ARID5B: variants seen among roughly 807,000 people sequenced by gnomAD.
The protein encoded by ARID5B is AT-rich interaction domain 5B.
A neutral mutation model predicts 97.2 loss-of-function variants in ARID5B; 13 were observed. That is an observed-to-expected ratio of 0.13 (90% CI 0.09 to 0.21). ARID5B has a LOEUF of 0.21. ARID5B is among the 10% of genes least tolerant of loss of function. ARID5B has a pLI of 1.00. For synonymous variants in ARID5B, 556 were observed against 570.3 expected (o/e 0.97, Z 0.36); for missense variants, 1,210 against 1,465.3 (o/e 0.83, Z 2.84).
intron 4 of ARID5B, among the ~76,000 whole-genome samples, chr10:62,043,858 TTTAC>T (rs1237149671): frequency 2.6e-5 from 4 of 152,062 alleles, no homozygotes; most frequent in African/African-American, 9.7e-5. Context: ...TACAAAAGTG[TTTAC>T]TTACATGGTT....
Position 62,000,264 on chromosome 10 carries a change from C to A in ARID5B, c.676C>A (p.Arg226=). 1 of 1,613,420 alleles carries A rather than the reference C, an allele frequency of 6.2e-7. No homozygotes were observed. The highest frequency in any genetic ancestry group is 8.5e-7 in the Non-Finnish European group (1 of 1,179,832). ...VSRNPQILYC[R]DTFDHPTLIE... is the part of the protein sequence containing the mutation. ...CAGGAACCCTCAGATCCTGTACTGT[C>A]GGGACACCTTTGACCACCCGACTCT... Residue 226 remains arginine (R), a synonymous_variant, in exon 4 of 10, where the codon CGG becomes AGG. Transcript: ENST00000279873. The surrounding 1 kb of genome is among the most constrained non-coding windows in gnomAD (Gnocchi z 4.4).
intron 3 of ARID5B, among the ~76,000 whole-genome samples, chr10:61,941,434 T>A (rs1464547079): frequency 6.6e-6 from 1 of 152,096 alleles, no homozygotes; most frequent in Non-Finnish European, 1.5e-5. Context: ...CACTTTAACA[T>A]ATTAAGGCAT....
At chr10:61,921,394 G>A (rs1352662233) in intron 2 of ARID5B, among the ~76,000 whole-genome samples, 3 of 152,344 alleles carry the variant, frequency 2.0e-5, no homozygotes, top group Admixed American at 6.5e-5. Flanking sequence ...TCACTTGCCT[G>A]TTGACAGGTC....
chr10:62,052,835 A>G (rs1403213197), intron 5 of ARID5B, among the ~76,000 whole-genome samples: 1 of 152,102 alleles, frequency 6.6e-6, no homozygotes, highest in Non-Finnish European at 1.5e-5. Context: ...TCATTCTTCC[A>G]CCGTTGGTGT....
intron 3 of ARID5B, among the ~76,000 whole-genome samples, chr10:61,982,963 G>C (rs981146226): frequency 3.3e-5 from 5 of 152,206 alleles, no homozygotes; most frequent in South Asian, 4.1e-4. Context: ...TAAATAACCA[G>C]ATTGATTTGC....
intron 3 of ARID5B, among the ~76,000 whole-genome samples, chr10:61,978,492 G>T (rs571393709): frequency 3.9e-5 from 6 of 152,332 alleles, no homozygotes; most frequent in Non-Finnish European, 5.9e-5. Context: ...CTACCCATGA[G>T]CATGGAATGT....
chr10:62,050,366 C>G (rs1459272874), intron 4 of ARID5B, among the ~76,000 whole-genome samples: 1 of 152,060 alleles, frequency 6.6e-6, no homozygotes, highest in Non-Finnish European at 1.5e-5. Context: ...TGTGAATGCC[C>G]CTCTCTCTAT....
At chr10:62,059,172 T>A (rs1839892507) in intron 6 of ARID5B, 71 bp from the exon 7 acceptor site, 2 of 1,207,372 alleles carry the variant, frequency 1.7e-6, no homozygotes, top group Middle Eastern at 2.5e-4. Context: ...AAAAAAAAAA[T>A]GTTTTAATTG....
chr10:61,949,313 TG>T lies in ARID5B; in HGVS notation c.502+8906del, dbSNP rs753031976. The stretch of plus-strand genomic sequence containing the variant: ...GTTTTGTCTATTTTTTCTAGCAGTT[TG>T]TTTTTTTACAGCCATATCTATGATA... On this transcript the variant is annotated intron_variant, in intron 3 of 9. Coordinates refer to ENST00000279873, the MANE Select transcript of ARID5B (RefSeq NM_032199.3). 1.3e-4 allele frequency among the ~76,000 whole-genome samples: 20 copies of T among 152,214 alleles called. 1 individual carries two copies. The highest frequency in any genetic ancestry group is 3.3e-4 in the Admixed American group (5 of 15,268).
intron 8 of ARID5B, among the ~76,000 whole-genome samples, chr10:62,077,296 CA>C (rs1400727051): frequency 6.6e-6 from 1 of 152,042 alleles, no homozygotes; most frequent in Non-Finnish European, 1.5e-5. Flanking sequence ...GAAAGGAAAA[CA>C]AAACTCTAGC....
chr10:62,027,204 C>T (rs533367929), intron 4 of ARID5B, among the ~76,000 whole-genome samples: 1 of 151,530 alleles, frequency 6.6e-6, no homozygotes, highest in East Asian at 1.9e-4. Context: ...CCACACCAGC[C>T]TCCTTGAATC....
At chr10:62,005,415 T>A (rs1839134145) in intron 4 of ARID5B, among the ~76,000 whole-genome samples, 1 of 152,250 alleles carries the variant, frequency 6.6e-6, no homozygotes, top group African/African-American at 2.4e-5. Context: ...GATTCTCTAC[T>A]GTTTCTATTA....
chr10:62,005,978 C>T (rs531022662), intron 4 of ARID5B, among the ~76,000 whole-genome samples: 16 of 152,344 alleles, frequency 1.1e-4, no homozygotes, highest in African/African-American at 3.6e-4. Context: ...GCCCACTGAT[C>T]TCCCAAATGA....
At chr10:61,957,604 C>G (rs1452992590) in intron 3 of ARID5B, among the ~76,000 whole-genome samples, 1 of 152,066 alleles carries the variant, frequency 6.6e-6, no homozygotes, top group Non-Finnish European at 1.5e-5. Context: ...ATTTAGCATG[C>G]AGACTGGATG....
intron 2 of ARID5B, among the ~76,000 whole-genome samples, chr10:61,923,091 A>G (rs950451942): frequency 4.6e-5 from 7 of 152,208 alleles, no homozygotes; most frequent in African/African-American, 1.7e-4. Context: ...GTCTGGATTC[A>G]AATTGAGGAG....
chr10:62,078,380 T>C (rs534327504), intron 8 of ARID5B, among the ~76,000 whole-genome samples: 1 of 152,332 alleles, frequency 6.6e-6, no homozygotes, highest in Admixed American at 6.5e-5. Context: ...TCCCATCTAT[T>C]CAGGGAGTTG....
chr10:62,070,726 T>C (rs1840052615), intron 8 of ARID5B, among the ~76,000 whole-genome samples: 1 of 152,234 alleles, frequency 6.6e-6, no homozygotes, highest in Admixed American at 6.5e-5. Context: ...TACAAAGTAT[T>C]CCCAAAGGAT....
chr10:61,981,556 A>G (rs1418638046), intron 3 of ARID5B, among the ~76,000 whole-genome samples: 1 of 152,186 alleles, frequency 6.6e-6, no homozygotes, highest in Admixed American at 6.5e-5. Context: ...TGCTGGGATT[A>G]TAGGCATGAG....
intron 3 of ARID5B, among the ~76,000 whole-genome samples, chr10:61,997,118 T>G (rs1165354529): frequency 1.3e-5 from 2 of 152,032 alleles, no homozygotes. Context: ...AGGACCACTA[T>G]TAGCAACACT....
Sources: allele counts gnomAD v4.1 joint callset (sites outside exome capture counted in the v4.1 genomes callset), GRCh38; gene constraint gnomAD v4.1.1; non-coding constraint Gnocchi (gnomAD v3.1); transcripts MANE v1.5; gene names NCBI Gene and HGNC (gene_info 2026-07-23, HGNC 2026-07-21).